DCAKD: variants seen among roughly 807,000 people sequenced by gnomAD.
The protein encoded by DCAKD is dephospho-CoA kinase domain-containing protein.
In DCAKD, 15 loss-of-function variants were observed where a neutral mutation model predicts 18.7. That is an observed-to-expected ratio of 0.80 (90% CI 0.54 to 1.24). The LOEUF is 1.24. Ranked by LOEUF, DCAKD falls within the 50% of genes most tolerant of loss-of-function variation. DCAKD has a pLI of 0.00. For synonymous variants in DCAKD, 130 were observed against 133.0 expected (o/e 0.98, Z 0.16); for missense variants, 301 against 322.0 (o/e 0.93, Z 0.50).
intron 4 of DCAKD, among the ~76,000 whole-genome samples, chr17:45,029,106 CTTAG>C (rs769923570): frequency 5.3e-5 from 8 of 152,342 alleles, no homozygotes; most frequent in South Asian, 4.1e-4. Flanking sequence ...TTTGCCTGAC[CTTAG>C]TTAGCCTCTC....
At chr17:45,048,566 G>A (rs2053623518) in intron 1 of DCAKD, among the ~76,000 whole-genome samples, 1 of 152,190 alleles carries the variant, frequency 6.6e-6, no homozygotes, top group Non-Finnish European at 1.5e-5. Flanking sequence ...GAAACCGGGA[G>A]GCAGACGTTG....
intron 3 of DCAKD, among the ~76,000 whole-genome samples, chr17:45,032,505 C>G (rs189120151): frequency 6.6e-6 from 1 of 152,022 alleles, no homozygotes; most frequent in Non-Finnish European, 1.5e-5. Context: ...GCTCCCCCAG[C>G]CAGGCACAGT....
At chr17:45,031,441 A>T in intron 3 of DCAKD, 2 of 948,460 alleles carry the variant, frequency 2.1e-6, no homozygotes, top group Non-Finnish European at 2.5e-6. Flanking sequence ...AGTAAAAAGA[A>T]TACCTACTTC....
At chr17:45,024,883 C>T (rs755699116) in intron 4 of DCAKD, among the ~76,000 whole-genome samples, 159 bp from the exon 5 acceptor site, 8 of 152,124 alleles carry the variant, frequency 5.3e-5, no homozygotes, top group Non-Finnish European at 2.9e-5. Context: ...GTCCCACAGC[C>T]AGGGAGGGAG....
At chr17:45,042,273 G>A (rs1160386830) in intron 1 of DCAKD, among the ~76,000 whole-genome samples, 1 of 152,090 alleles carries the variant, frequency 6.6e-6, no homozygotes, top group African/African-American at 2.4e-5. Flanking sequence ...CTTTGGACTC[G>A]TCATGCTTTG....
upstream of DCAKD, among the ~76,000 whole-genome samples, chr17:45,053,171 A>T (rs1210589738): frequency 2.8e-3 from 169 of 59,914 alleles, 2 homozygotes; most frequent in African/African-American, 4.5e-3. Context: ...TCTCCAGTTA[A>T]AAAAAAAAAA....
At chr17:45,056,465 CTT>C (rs1471730674), upstream of DCAKD, among the ~76,000 whole-genome samples, 1 of 143,670 alleles carries the variant, frequency 7.0e-6, no homozygotes, top group Non-Finnish European at 1.5e-5. Flanking sequence ...TGCCTGCACT[CTT>C]TTTTATATAT....
chr17:45,060,620 A>G (rs750319679), intron 1 of DCAKD, among the ~76,000 whole-genome samples: 15 of 152,276 alleles, frequency 9.9e-5, no homozygotes, highest in East Asian at 1.9e-4. Flanking sequence ...CTTGGCGAAG[A>G]TAAGTACCTG....
intron 1 of DCAKD, among the ~76,000 whole-genome samples, chr17:45,060,220 TATTA>T (rs754953253): frequency 1.3e-5 from 2 of 152,188 alleles, no homozygotes; most frequent in Non-Finnish European, 2.9e-5. Context: ...GTCTGGCACT[TATTA>T]AAGAAAGAGT....
At chr17:45,044,689 CAATA>C (rs143312640) in intron 1 of DCAKD, among the ~76,000 whole-genome samples, 57,182 of 146,840 alleles carry the variant, frequency 0.39, 11,631 homozygotes, top group African/African-American at 0.49. Context: ...GAGACTCCAT[CAATA>C]AATAAATAAA....
intron 1 of DCAKD, among the ~76,000 whole-genome samples, chr17:45,047,459 A>T (rs1218721428): frequency 6.7e-6 from 1 of 148,458 alleles, no homozygotes; most frequent in Non-Finnish European, 1.5e-5. Context: ...ATTTTTAAAA[A>T]TTTTTTGTAG....
chr17:45,026,764 C>G, intron 4 of DCAKD: 1 of 985,352 alleles, frequency 1.0e-6, no homozygotes, highest in Non-Finnish European at 1.2e-6. Context: ...GGGCCAATAC[C>G]CACCTCGCTG....
At chr17:45,038,416 A>G (rs1248667328) in intron 1 of DCAKD, among the ~76,000 whole-genome samples, 1 of 152,102 alleles carries the variant, frequency 6.6e-6, no homozygotes, top group African/African-American at 2.4e-5. Context: ...AAGGGAGGGG[A>G]CTTCCCACCA....
At chr17:45,060,102 TCAAAA>T (rs372398471) in intron 1 of DCAKD, among the ~76,000 whole-genome samples, 8 of 152,104 alleles carry the variant, frequency 5.3e-5, no homozygotes, top group African/African-American at 1.4e-4. Context: ...AGACTCCGTC[TCAAAA>T]CAAAACAAAA....
At chr17:45,060,749 G>C (rs1229019030) in intron 1 of DCAKD, 1 of 153,352 alleles carries the variant, frequency 6.5e-6, no homozygotes, top group Admixed American at 6.5e-5. Flanking sequence ...GCCAATGACC[G>C]CAGGTTGCCC....
At chr17:45,049,453 C>A (rs77452335) in intron 1 of DCAKD, among the ~76,000 whole-genome samples, 1 of 149,686 alleles carries the variant, frequency 6.7e-6, no homozygotes, top group Non-Finnish European at 1.5e-5. Flanking sequence ...AAAAAAAGAA[C>A]GATTTGAAAT....
At chr17:45,031,154 C>G (rs758550591) in intron 3 of DCAKD, 5 of 985,404 alleles carry the variant, frequency 5.1e-6, no homozygotes, top group Non-Finnish European at 6.0e-6. Flanking sequence ...CACTTCCAAG[C>G]ACAGAACCAG....
intron 1 of DCAKD, among the ~76,000 whole-genome samples, chr17:45,046,615 C>CAAAAAA (rs746591313): frequency 2.0e-4 from 10 of 50,076 alleles, no homozygotes; most frequent in East Asian, 1.3e-3. Flanking sequence ...GATTCCATCT[C>CAAAAAA]AAAAAAAAAA....
chr17:45,040,718 G>A (rs2053414453), intron 1 of DCAKD, among the ~76,000 whole-genome samples: 1 of 152,180 alleles, frequency 6.6e-6, no homozygotes, highest in African/African-American at 2.4e-5. Context: ...AGGGTGCAAA[G>A]AAAAGGGCAA....
Sources: allele counts gnomAD v4.1 joint callset (sites outside exome capture counted in the v4.1 genomes callset), GRCh38; gene constraint gnomAD v4.1.1; transcripts MANE v1.5; gene names NCBI Gene and HGNC (gene_info 2026-07-23, HGNC 2026-07-21).